Variants in PAN2 observed in about 807,000 individuals in gnomAD.
The protein encoded by PAN2 is poly(A) specific ribonuclease subunit PAN2, also known as PAN2-PAN3 deadenylation complex catalytic subunit PAN2.
Under a neutral mutation model 133.3 loss-of-function variants are expected in PAN2, and 68 were observed. The ratio of observed to expected loss-of-function variants is 0.51; its 90% confidence interval spans 0.42 to 0.62. PAN2 has a LOEUF of 0.62. PAN2 is among the 20% of genes least tolerant of loss of function. The probability of loss-of-function intolerance (pLI) is 0.00; values close to 1 mark genes in which losing one functional copy is unlikely to be tolerated. For synonymous variants in PAN2, 462 were observed against 544.6 expected (o/e 0.85, Z 2.11); for missense variants, 1,042 against 1,500.5 (o/e 0.69, Z 5.05).
chr12:56,329,156 A>G (rs907416012), intron 2 of PAN2, among the ~76,000 whole-genome samples: 18 of 152,176 alleles, frequency 1.2e-4, no homozygotes, highest in African/African-American at 4.3e-4. Context: ...TAAACATCCC[A>G]TCATAACCTC....
Position 56,317,432 on chromosome 12 carries a change from C to T in PAN2, c.*177G>A. The T allele has an allele frequency of 1.6e-6, 1 of 623,794 alleles. No individual in the cohort carries two copies. Among genetic ancestry groups the T allele is most frequent in the Non-Finnish European group, 2.9e-6 (1 of 343,494 alleles). 38.6% of individuals were successfully genotyped at this position (623,794 alleles called of 1,614,324 possible). A position where few individuals can be genotyped will look rare whatever the true frequency, so the allele number is the denominator to read the frequency against. On this transcript the variant is annotated 3_prime_UTR_variant, in exon 26 of 26. Coordinates refer to ENST00000440411, the MANE Select transcript of PAN2 (RefSeq NM_014871.6). ...GAAGGAATGAATCTGGCTCCTAGAA[C>T]CTTTGCAACAATTCTGCTGTGTTCC...
chr12:56,333,314 G>A (rs1218642224), intron 1 of PAN2, 106 bp from the exon 2 acceptor site: 15 of 565,626 alleles, frequency 2.7e-5, no homozygotes, highest in Non-Finnish European at 4.4e-5. Context: ...CATGAGGGAT[G>A]AGACTGCCAG....
In PAN2 at chr12:56,322,768, G is replaced by C. The variant is rs1289510238; in HGVS notation, c.2494-10C>G. On this transcript the variant is annotated splice_polypyrimidine_tract_variant and intron_variant, in intron 17 of 25. Transcript: ENST00000440411. ...CCCTGGCTGGGCCCCACTGTGAGGG[G>C]GGTACCCAGGCTGCTAAGCTAAGTT... 6.2e-7 allele frequency: 1 copy of C among 1,609,936 alleles called. No individual in the cohort carries two copies.
At chr12:56,320,096 T>A in intron 20 of PAN2, 75 bp from the exon 21 acceptor site, 2 of 1,397,914 alleles carry the variant, frequency 1.4e-6, no homozygotes, top group Non-Finnish European at 2.0e-6. Flanking sequence ...GTGTGGCTGA[T>A]CATCGACTCT....
intron 10 of PAN2, 146 bp downstream of exon 10, chr12:56,324,863 A>C (rs1275014118): frequency 4.4e-6 from 6 of 1,363,388 alleles, no homozygotes; most frequent in Non-Finnish European, 6.0e-6. Flanking sequence ...AGGAGACTTG[A>C]AAGTTGTAGA....
At position 56,319,540 on chromosome 12, in the gene PAN2, C is replaced by A; in HGVS notation, c.3091-53G>T. Reference sequence around the variant, plus strand: ...TTTCAGGAAGTGAGATGGAGTCTTCCCCTATCACTCTTCCCTGGGTTCTTG... The same window carrying A: ...TTTCAGGAAGTGAGATGGAGTCTTCACCTATCACTCTTCCCTGGGTTCTTG... On this transcript the variant is annotated intron_variant, in intron 22 of 25. Coordinates refer to ENST00000440411, the MANE Select transcript of PAN2 (RefSeq NM_014871.6). This position sits in a 1 kb window ranked among gnomAD's most constrained non-coding sequence, Gnocchi z 5.4. 2 of 1,592,606 alleles carry A rather than the reference C, an allele frequency of 1.3e-6. No homozygotes were observed. Among genetic ancestry groups the A allele is most frequent in the Non-Finnish European group, 1.7e-6 (2 of 1,168,540 alleles).
At position 56,322,737 on chromosome 12, in the gene PAN2, C is replaced by T. The variant is rs771717064; in HGVS notation, c.2515G>A (p.Glu839Lys). The T allele has an allele frequency of 1.2e-6, 2 of 1,613,758 alleles. No homozygotes were observed. Among genetic ancestry groups the T allele is most frequent in the Admixed American group, 1.7e-5 (1 of 60,012 alleles). ...EMQWGPARAE[E>K]EHGVYVYDLM... Reference sequence around the variant, plus strand: ...TCATACACATAGACACCATGCTCCTCCTCTGCCCTGGCTGGGCCCCACTGT... The same window carrying T: ...TCATACACATAGACACCATGCTCCTTCTCTGCCCTGGCTGGGCCCCACTGT... The change falls in exon 18 of 26, where the codon GAG becomes AAG. Residue 839 changes from glutamate to lysine, a missense_variant. Around this residue, in one of 3 missense-constraint regions of PAN2, gnomAD observed 908 missense variants for 1,223.5 expected, o/e 0.74. Transcript: ENST00000440411.
intron 20 of PAN2, 49 bp downstream of exon 20, chr12:56,322,029 A>T: frequency 1.0e-6 from 1 of 964,524 alleles, no homozygotes; most frequent in East Asian, 2.4e-5. Flanking sequence ...CTCACCCTGA[A>T]GCCCAATCTA....
chr12:56,330,353 CTTTTTTTTT>C (rs10525866), intron 2 of PAN2, among the ~76,000 whole-genome samples: 3 of 92,622 alleles, frequency 3.2e-5, no homozygotes, highest in East Asian at 3.3e-4. Context: ...CTGTATTTTT[CTTTTTTTTT>C]TTTTTTTTTT....
At chr12:56,321,360 C>T (rs1016496366) in intron 20 of PAN2, among the ~76,000 whole-genome samples, 1 of 150,854 alleles carries the variant, frequency 6.6e-6, no homozygotes, top group African/African-American at 2.4e-5. Context: ...TCCCAAGTAG[C>T]TGGGACAACA....
rs980444669 is a variant in PAN2 at position 56,333,910 on chromosome 12, G to GT, written c.-164dup. 1 of 152,260 alleles carries GT rather than the reference G, an allele frequency of 6.6e-6. No individual in the cohort carries two copies. Among genetic ancestry groups the GT allele is most frequent in the African/African-American group, 2.4e-5 (1 of 41,456 alleles). The allele number at this position is 152,260 out of a possible 1,614,324, so 9.4% of individuals were successfully genotyped here. A position where few individuals can be genotyped will look rare whatever the true frequency, so the allele number is the denominator to read the frequency against. On this transcript the variant is annotated 5_prime_UTR_variant, in exon 1 of 26. Transcript: ENST00000440411. ...TTTGGAGCGCGTGGAATTAGAACGA[G>GT]TAGGGGGAGCGCAAGCGCTGTCAGC...
intron 2 of PAN2, among the ~76,000 whole-genome samples, chr12:56,329,545 G>A (rs1875505854): frequency 6.6e-6 from 1 of 151,616 alleles, no homozygotes; most frequent in Non-Finnish European, 1.5e-5. Flanking sequence ...TGGCCAGGCT[G>A]GTTTCGAACT....
intron 10 of PAN2, 63 bp from the exon 11 acceptor site, chr12:56,324,772 G>A (rs1874925149): frequency 6.4e-7 from 1 of 1,556,076 alleles, no homozygotes; most frequent in Non-Finnish European, 8.7e-7. Flanking sequence ...GAAATATGGA[G>A]GTTAAGTGAG....
intron 12 of PAN2, 29 bp from the exon 13 acceptor site, chr12:56,324,214 A>G (rs1016811555): frequency 1.9e-6 from 3 of 1,612,584 alleles, no homozygotes; most frequent in Admixed American, 1.7e-5. Context: ...ATATATGCAC[A>G]TTGAGGAAGT....
At chr12:56,317,748 T>C (rs1874063442) in intron 25 of PAN2, 105 bp from the exon 26 acceptor site, 2 of 894,368 alleles carry the variant, frequency 2.2e-6, no homozygotes, top group Non-Finnish European at 3.7e-6. Flanking sequence ...GGCATGGACC[T>C]TCCCTGAACA....
In PAN2 at chr12:56,327,530, G is replaced by A; in HGVS notation, c.753C>T (p.Ala251=). The change falls in exon 6 of 26, where the codon GCC becomes GCT. Residue 251 remains alanine (A), a synonymous_variant. Transcript: ENST00000440411. ...DFDVHGNLLA[A]CGFSSRLTGL... ...CAGTGAGGCGGCTGGAGAAGCCACA[G>A]GCAGCTAGCAGGTTGCCATGCACAT... The A allele has an allele frequency of 6.2e-7, 1 of 1,614,228 alleles. No homozygotes were observed.
At chr12:56,321,952 C>G in intron 20 of PAN2, 126 bp downstream of exon 20, 1 of 584,216 alleles carries the variant, frequency 1.7e-6, no homozygotes, top group Non-Finnish European at 3.1e-6. Flanking sequence ...GCAGGAATCT[C>G]TTTAGTATCT....
At chr12:56,331,943 G>T (rs982495232) in intron 2 of PAN2, among the ~76,000 whole-genome samples, 6 of 152,066 alleles carry the variant, frequency 3.9e-5, no homozygotes, top group Non-Finnish European at 8.8e-5. Flanking sequence ...TCGATCTCCT[G>T]ACCTCGTGAT....
At position 56,318,440 on chromosome 12, in the gene PAN2, G is replaced by C; in HGVS notation, c.3365-6C>G. ...TTCCCCTTGAATCTTCAGGTCTGGG[G>C]TAAGTAAAGGTGGAATAGTTTGGGA... On this transcript the variant is annotated splice_polypyrimidine_tract_variant and splice_region_variant and intron_variant, in intron 24 of 25. Transcript: ENST00000440411. The C allele has an allele frequency of 6.2e-7, 1 of 1,611,092 alleles. No homozygotes were observed. Among genetic ancestry groups the C allele is most frequent in the Non-Finnish European group, 8.5e-7 (1 of 1,177,260 alleles).
Sources: allele counts gnomAD v4.1 joint callset (sites outside exome capture counted in the v4.1 genomes callset), GRCh38; gene constraint gnomAD v4.1.1; regional missense constraint gnomAD v4.1.1; non-coding constraint Gnocchi (gnomAD v3.1); transcripts MANE v1.5; gene names NCBI Gene and HGNC (gene_info 2026-07-23, HGNC 2026-07-21).